Variants in IL1RAPL2 observed in about 807,000 individuals in gnomAD.
IL1RAPL2 encodes the protein X-linked interleukin-1 receptor accessory protein-like 2.
A neutral mutation model predicts 44.1 loss-of-function variants in IL1RAPL2; 3 were observed. The ratio of observed to expected loss-of-function variants is 0.07; its 90% CI spans 0.03 to 0.18. The LOEUF (loss-of-function observed/expected upper bound fraction) is 0.18. Among genes scored for constraint, IL1RAPL2 ranks in the 10% least tolerant of loss-of-function variants. The probability of loss-of-function intolerance (pLI) is 1.00; values close to 1 mark genes in which losing one functional copy is unlikely to be tolerated. For missense variants in IL1RAPL2, 391 were observed against 496.4 expected, an observed-to-expected ratio of 0.79 and a Z score of 2.02; for synonymous variants, 181 against 178.8, an observed-to-expected ratio of 1.01 and a Z score of -0.10.
intron 2 of IL1RAPL2, among the ~76,000 whole-genome samples, chrX:104,674,356 T>C (rs1420116560): frequency 2.7e-5 from 3 of 112,086 alleles, no homozygotes; most frequent in Non-Finnish European, 3.8e-5. Flanking sequence ...ATTGAGATAA[T>C]CATGTGGTTT....
chrX:104,868,455 C>T (rs1236738226), intron 2 of IL1RAPL2, among the ~76,000 whole-genome samples: 1 of 111,866 alleles, frequency 8.9e-6, no homozygotes, highest in African/African-American at 3.2e-5. Context: ...ACAACGGACC[C>T]ATTCCTTCGT....
chrX:105,387,896 C>T lies in IL1RAPL2; in HGVS notation c.698-96417C>T, dbSNP rs1226358280. The stretch of plus-strand genomic sequence containing the variant: ...GGGCGCAGTGGCTCACACCTGTAAT[C>T]CCAGCACTTTGGGAGACCGAGGCGG... On this transcript the variant is annotated intron_variant, in intron 5 of 10. Transcript: ENST00000372582. 1.3e-4 allele frequency among the ~76,000 whole-genome samples: 14 copies of T among 108,175 alleles called. No individual in the cohort carries two copies. In the Admixed American group the frequency reaches 1.4e-3, roughly 11 times the overall value. The allele number at this position is 108,175 out of a possible 115,157, so 93.9% of individuals were successfully genotyped here.
At chrX:105,220,468 C>T in intron 3 of IL1RAPL2, 6 of 954,122 alleles carry the variant, frequency 6.3e-6, no homozygotes, top group Non-Finnish European at 8.4e-6. Context: ...CTTTCCTCCC[C>T]CTTAGCCCCT....
At chrX:105,686,539 T>C (rs920240837) in intron 6 of IL1RAPL2, among the ~76,000 whole-genome samples, 6 of 110,884 alleles carry the variant, frequency 5.4e-5, no homozygotes, top group African/African-American at 2.0e-4. Context: ...AATATATATA[T>C]GCACCCAATA....
chrX:104,678,521 T>G (rs779014790), intron 2 of IL1RAPL2, among the ~76,000 whole-genome samples: 1 of 111,858 alleles, frequency 8.9e-6, no homozygotes, highest in African/African-American at 3.2e-5. Context: ...CTTTTTACTT[T>G]TGTTCAAAGT....
chrX:104,582,231 G>A (rs73521387), intron 1 of IL1RAPL2, among the ~76,000 whole-genome samples: 18,279 of 111,176 alleles, frequency 0.16, 3,744 homozygotes, highest in African/African-American at 0.57. Context: ...GTGGACAGAA[G>A]TGCTTGAATT....
chrX:105,767,389 G>T lies in IL1RAPL2; in HGVS notation c.1789G>T (p.Val597Leu), dbSNP rs757802661. The change falls in exon 11 of 11, where the codon GTG (valine) becomes TTG (leucine). Residue 597 changes from valine to leucine, a missense_variant. Around this residue, in one of 2 missense-constraint regions of IL1RAPL2, gnomAD observed 232 missense variants for 244.8 expected, o/e 0.95. Coordinates refer to ENST00000372582, the MANE Select transcript of IL1RAPL2 (RefSeq NM_017416.2). Reference protein sequence around the residue: ...IAMTSTSATLVSSQADLPEFH... With the variant: ...IAMTSTSATLLSSQADLPEFH... ...CATGACCAGTACTTCAGCCACTCTG[G>T]TGTCATCTCAGGCTGATCTCCCTGA... The T allele has an allele frequency of 1.2e-5, 14 of 1,209,831 alleles. No homozygotes were observed. Among genetic ancestry groups the T allele is most frequent in the Middle Eastern group, 2.3e-4 (1 of 4,372 alleles).
chrX:105,434,491 G>C (rs895716625), intron 5 of IL1RAPL2, among the ~76,000 whole-genome samples: 1 of 112,205 alleles, frequency 8.9e-6, no homozygotes, highest in Non-Finnish European at 1.9e-5. Flanking sequence ...AAAAAATTGT[G>C]GTGCATCCAC....
In IL1RAPL2 at chrX:105,570,276, T is replaced by C. The variant is rs1455917926; in HGVS notation, c.772+85889T>C. ...ATAATGGCCTCCATCTCCATCCAAATGGCTGCAAAGGCCATTATTTTGTTC... is the reference window on the plus strand; with the variant it reads ...ATAATGGCCTCCATCTCCATCCAAACGGCTGCAAAGGCCATTATTTTGTTC... On this transcript the variant is annotated intron_variant, in intron 6 of 10. Coordinates refer to ENST00000372582, the MANE Select transcript of IL1RAPL2 (RefSeq NM_017416.2). 2.7e-5 allele frequency among the ~76,000 whole-genome samples: 3 copies of C among 112,127 alleles called. No individual in the cohort carries two copies. The Admixed American group carries it at 2.8e-4, about 11-fold the overall frequency.
chrX:105,025,632 C>T (rs1602897844), intron 2 of IL1RAPL2, among the ~76,000 whole-genome samples: 1 of 111,081 alleles, frequency 9.0e-6, no homozygotes, highest in Non-Finnish European at 1.9e-5. Flanking sequence ...CAACATAAAA[C>T]TTATTATGTT....
At chrX:104,888,820 C>T (rs931038197) in intron 2 of IL1RAPL2, among the ~76,000 whole-genome samples, 1 of 111,540 alleles carries the variant, frequency 9.0e-6, no homozygotes, top group South Asian at 3.8e-4. Flanking sequence ...TAGCCAAATT[C>T]CCCATTTCTG....
At chrX:105,176,672 C>T (rs1020087445) in intron 2 of IL1RAPL2, among the ~76,000 whole-genome samples, 1 of 110,812 alleles carries the variant, frequency 9.0e-6, no homozygotes, top group African/African-American at 3.3e-5. Flanking sequence ...CAACACCACC[C>T]CATCCACCTG....
At chrX:105,328,889 A>G (rs757291128) in intron 5 of IL1RAPL2, among the ~76,000 whole-genome samples, 7 of 112,007 alleles carry the variant, frequency 6.2e-5, no homozygotes, top group Non-Finnish European at 1.1e-4. Flanking sequence ...ATTATGTAGT[A>G]GGCTATGCAG....
At chrX:104,931,992 A>ATTT (rs1234074475) in intron 2 of IL1RAPL2, among the ~76,000 whole-genome samples, 1 of 31,331 alleles carries the variant, frequency 3.2e-5, no homozygotes. Context: ...ATATATATAT[A>ATTT]TATATTTTTT....
intron 3 of IL1RAPL2, among the ~76,000 whole-genome samples, chrX:105,226,482 C>T (rs1302074704): frequency 4.0e-5 from 4 of 100,249 alleles, no homozygotes; most frequent in African/African-American, 1.5e-4. Context: ...ACTGCAACCT[C>T]CGCCTCCTGG....
intron 5 of IL1RAPL2, among the ~76,000 whole-genome samples, chrX:105,445,814 ATGGTCTTCTT>A (rs1260081801): frequency 9.0e-6 from 1 of 111,219 alleles, no homozygotes; most frequent in Non-Finnish European, 1.9e-5. Context: ...CCAGCAGCAT[ATGGTCTTCTT>A]TGGTTTATCC....
intron 2 of IL1RAPL2, among the ~76,000 whole-genome samples, chrX:105,081,955 G>A (rs771148580): frequency 3.9e-3 from 434 of 111,370 alleles, no homozygotes; most frequent in Middle Eastern, 0.018. Flanking sequence ...TTATGTCTCC[G>A]CCAGGTTTTG....
chrX:105,410,532 G>A (rs2035687657), intron 5 of IL1RAPL2, among the ~76,000 whole-genome samples: 1 of 111,050 alleles, frequency 9.0e-6, no homozygotes, highest in African/African-American at 3.3e-5. Flanking sequence ...AGGATATAGA[G>A]TGAGGAAATG....
In IL1RAPL2 at chrX:104,582,580, T is replaced by C. The variant is rs181425988; in HGVS notation, c.-20+15529T>C. ...CCTCCTTTCTCCTCTTTCTTTCTTTTTCTTTCTTTCTTTCTTTTTCTTTCT... is the reference window on the plus strand; with the variant it reads ...CCTCCTTTCTCCTCTTTCTTTCTTTCTCTTTCTTTCTTTCTTTTTCTTTCT... On this transcript the variant is annotated intron_variant, in intron 1 of 10. Transcript: ENST00000372582. Among the ~76,000 whole-genome samples, 222 of 46,410 alleles carry C rather than the reference T, an allele frequency of 4.8e-3. 1 individual carries two copies. The highest frequency in any genetic ancestry group is 0.014 in the African/African-American group (210 of 15,036). The allele number at this position is 46,410 out of a possible 115,157, so 40.3% of individuals were successfully genotyped here. A position where few individuals can be genotyped will look rare whatever the true frequency, so the allele number is the denominator to read the frequency against.
Sources: allele counts gnomAD v4.1 joint callset (sites outside exome capture counted in the v4.1 genomes callset), GRCh38; gene constraint gnomAD v4.1.1; regional missense constraint gnomAD v4.1.1; transcripts MANE v1.5; gene names NCBI Gene and HGNC (gene_info 2026-07-23, HGNC 2026-07-21).